The following TMEM51 variants were observed in gnomAD, a reference collection of about 807,000 sequenced individuals.
TMEM51 encodes transmembrane protein 51.
Under a neutral mutation model 13.6 loss-of-function variants are expected in TMEM51, and 8 were observed. The observed-to-expected ratio is 0.59, with a 90% confidence interval of 0.35 to 1.07. TMEM51 has a LOEUF of 1.07. Among genes scored for constraint, TMEM51 ranks in the 50% least tolerant of loss-of-function variants. TMEM51 has a pLI of 0.02. For synonymous variants in TMEM51, 147 were observed against 144.4 expected, an observed-to-expected ratio of 1.02 and a Z score of -0.13; for missense variants, 279 against 330.7, an observed-to-expected ratio of 0.84 and a Z score of 1.21.
intron 1 of TMEM51, among the ~76,000 whole-genome samples, chr1:15,195,099 G>C (rs1004800115): frequency 6.6e-6 from 1 of 151,364 alleles, no homozygotes; most frequent in East Asian, 1.9e-4. Context: ...TAGTTTTTTT[G>C]TGTGTGTATT....
At chr1:15,206,608 C>G (rs1644255422) in intron 1 of TMEM51, among the ~76,000 whole-genome samples, 1 of 142,266 alleles carries the variant, frequency 7.0e-6, no homozygotes. Flanking sequence ...GATGGTGGGG[C>G]AGATCATTCC....
chr1:15,174,272 T>C (rs1643387057), intron 1 of TMEM51, among the ~76,000 whole-genome samples: 1 of 152,168 alleles, frequency 6.6e-6, no homozygotes, highest in South Asian at 2.1e-4. Flanking sequence ...CTGATGGATT[T>C]CACTCTCTTG....
chr1:15,216,691 A>G (rs566911656), intron 3 of TMEM51, among the ~76,000 whole-genome samples: 3 of 152,356 alleles, frequency 2.0e-5, no homozygotes, highest in Non-Finnish European at 4.4e-5. Flanking sequence ...ATTGTTTAGG[A>G]TAACAAAAAC....
intron 1 of TMEM51, chr1:15,192,087 C>G (rs1313540688): frequency 6.0e-6 from 3 of 500,296 alleles, no homozygotes; most frequent in Non-Finnish European, 1.2e-5. Context: ...ACCTGCCACG[C>G]GACACAGGGA....
rs141686529 is a variant in TMEM51 at position 15,164,961 on chromosome 1, C to T, written c.-267+11007C>T. ...GGGACTACAGGTGCGCGCCACCACA[C>T]CCAGCTAATTTTTGTATTTGTAGTA... is the stretch of plus-strand genomic sequence containing the variant. On this transcript the variant is annotated intron_variant, in intron 1 of 3. Coordinates refer to ENST00000376008, the MANE Select transcript of TMEM51 (RefSeq NM_001136218.2). Among the ~76,000 whole-genome samples the T allele has an allele frequency of 7.9e-5, 12 of 152,120 alleles. No homozygotes were observed. In the East Asian group the frequency reaches 2.3e-3, roughly 29 times the overall value.
intron 2 of TMEM51, among the ~76,000 whole-genome samples, chr1:15,214,687 G>A (rs1644395298): frequency 1.3e-5 from 2 of 152,184 alleles, no homozygotes; most frequent in South Asian, 2.1e-4. Flanking sequence ...AGGGAGTAGC[G>A]GGCTGGGCAG....
At chr1:15,177,091 G>A (rs1643477067) in intron 1 of TMEM51, among the ~76,000 whole-genome samples, 1 of 152,124 alleles carries the variant, frequency 6.6e-6, no homozygotes, top group Non-Finnish European at 1.5e-5. Flanking sequence ...GCAAAGTGGG[G>A]TGCCAAGCCC....
intron 1 of TMEM51, among the ~76,000 whole-genome samples, chr1:15,209,616 C>T (rs961027358): frequency 6.6e-6 from 1 of 152,186 alleles, no homozygotes; most frequent in East Asian, 1.9e-4. Flanking sequence ...TTCACTGCTG[C>T]GTACGTAATA....
At chr1:15,171,288 T>C in intron 1 of TMEM51, 1 of 1,304,134 alleles carries the variant, frequency 7.7e-7, no homozygotes, top group Non-Finnish European at 1.0e-6. Context: ...TCCTTCCAGG[T>C]CAATGAGAGA....
At chr1:15,215,486 G>A in intron 3 of TMEM51, 55 bp downstream of exon 3, 1 of 1,450,702 alleles carries the variant, frequency 6.9e-7, no homozygotes, top group Non-Finnish European at 9.2e-7. Flanking sequence ...ACGCACGCAT[G>A]CACACACATG....
At chr1:15,187,792 A>G (rs1156340567) in intron 1 of TMEM51, among the ~76,000 whole-genome samples, 1 of 152,126 alleles carries the variant, frequency 6.6e-6, no homozygotes, top group South Asian at 2.1e-4. Context: ...CTGGGGCCAC[A>G]GCCCTCTCTC....
chr1:15,171,433 C>T lies in TMEM51; in HGVS notation c.-267+17479C>T. 7.9e-6 allele frequency: 7 copies of T among 880,776 alleles called. 1 individual carries two copies. In the South Asian group the frequency reaches 1.2e-4, roughly 15 times the overall value. 54.6% of individuals were successfully genotyped at this position (880,776 alleles called of 1,614,324 possible). A position where few individuals can be genotyped will look rare whatever the true frequency, so the allele number is the denominator to read the frequency against. On this transcript the variant is annotated intron_variant, in intron 1 of 3. Coordinates refer to ENST00000376008, the MANE Select transcript of TMEM51 (RefSeq NM_001136218.2). ...GGGCATCGCCACCTGGCCCTGGGTACACGGGCAAACTGGTGGAGAAGTCTA... is the reference window on the plus strand; with the variant it reads ...GGGCATCGCCACCTGGCCCTGGGTATACGGGCAAACTGGTGGAGAAGTCTA...
At chr1:15,167,479 C>T (rs982075506) in intron 1 of TMEM51, among the ~76,000 whole-genome samples, 2 of 151,872 alleles carry the variant, frequency 1.3e-5, no homozygotes, top group African/African-American at 2.4e-5. Context: ...TTGGTGATTA[C>T]GATTAAAGCT....
At chr1:15,199,887 C>T (rs986543347) in intron 1 of TMEM51, among the ~76,000 whole-genome samples, 1 of 152,108 alleles carries the variant, frequency 6.6e-6, no homozygotes, top group African/African-American at 2.4e-5. Flanking sequence ...GAAGTGGGGA[C>T]CGTAGCACTT....
intron 3 of TMEM51, among the ~76,000 whole-genome samples, chr1:15,218,737 GT>G (rs1644465623): frequency 6.6e-6 from 1 of 152,076 alleles, no homozygotes; most frequent in Admixed American, 6.5e-5. Flanking sequence ...TGCCATGACA[GT>G]TTACAATTGC....
chr1:15,203,193 C>A (rs1374257788), intron 1 of TMEM51, among the ~76,000 whole-genome samples: 1 of 152,168 alleles, frequency 6.6e-6, no homozygotes, highest in Non-Finnish European at 1.5e-5. Flanking sequence ...ATTCCTCCCT[C>A]GCATCCTTCA....
At chr1:15,168,115 A>G (rs1643092162) in intron 1 of TMEM51, among the ~76,000 whole-genome samples, 3 of 152,204 alleles carry the variant, frequency 2.0e-5, no homozygotes, top group Admixed American at 2.0e-4. Context: ...CTGCTTTTAG[A>G]TGTTTGCCTG....
rs1304388856 is a variant in TMEM51, at chr1:15,207,678, G to T, written c.-266-2812G>T. ...GTGCACACGAGTGGAAAGAGCCTCT[G>T]CCCAGCGTGGAGCGGTGAGGCTAAA... On this transcript the variant is annotated intron_variant, in intron 1 of 3. Coordinates refer to ENST00000376008, the MANE Select transcript of TMEM51 (RefSeq NM_001136218.2). This position sits in a 1 kb window ranked among gnomAD's most constrained non-coding sequence, Gnocchi z 4.6. 6.6e-6 allele frequency among the ~76,000 whole-genome samples: 1 copy of T among 152,212 alleles called. No homozygotes were observed. Among genetic ancestry groups the T allele is most frequent in the African/African-American group, 2.4e-5 (1 of 41,446 alleles).
At chr1:15,214,044 G>T (rs1644384877) in intron 2 of TMEM51, among the ~76,000 whole-genome samples, 1 of 150,232 alleles carries the variant, frequency 6.7e-6, no homozygotes, top group Non-Finnish European at 1.5e-5. Flanking sequence ...GTAGAGACGG[G>T]GTTTTACCAT....
Sources: gnomAD v4.1 joint callset for allele counts (sites outside exome capture counted in the v4.1 genomes callset) on GRCh38, gnomAD v4.1.1 for gene constraint, Gnocchi (gnomAD v3.1) non-coding constraint, MANE v1.5 for transcripts, NCBI Gene and HGNC (gene_info 2026-07-23, HGNC 2026-07-21) for gene names.